The following YPEL3 variants were observed in gnomAD, a reference collection of about 807,000 sequenced individuals.
YPEL3 encodes yippee like 3, also known as protein yippee-like 3.
Under a neutral mutation model 17.5 loss-of-function variants are expected in YPEL3, and 5 were observed. That is an observed-to-expected ratio of 0.29 (90% CI 0.15 to 0.60). YPEL3 has a LOEUF of 0.60. Among genes scored for constraint, YPEL3 ranks in the 20% least tolerant of loss-of-function variants. YPEL3 has a pLI of 0.87. For synonymous variants in YPEL3, 87 were observed against 87.2 expected (o/e 1.00, Z 0.01); for missense variants, 155 against 211.4 (o/e 0.73, Z 1.65).
intron 3 of YPEL3, chr16:30,094,563 C>T (rs2072772676): frequency 1.7e-6 from 1 of 576,856 alleles, no homozygotes; most frequent in Admixed American, 2.9e-5. Flanking sequence ...CTGATTATAT[C>T]CTAACTCTCT....
Position 30,092,706 on chromosome 16 carries a change from G to C in YPEL3, c.*4C>G, listed in dbSNP as rs1205629318. The C allele has an allele frequency of 1.9e-6, 3 of 1,613,864 alleles. No homozygotes were observed. In the East Asian group the frequency reaches 6.7e-5, roughly 36 times the overall value. On this transcript the variant is annotated 3_prime_UTR_variant, in exon 4 of 4. Transcript: ENST00000398841. ...TGGAGCCACATGCGTCGGGGGAGCG[G>C]GGGTCAGTCCCAGCCGTTGTCTTTG...
chr16:30,092,915 G>A (rs1021792407), intron 3 of YPEL3, 116 bp from the exon 4 acceptor site: 2 of 820,848 alleles, frequency 2.4e-6, no homozygotes, highest in South Asian at 1.5e-5. Context: ...GTGGCCCAGA[G>A]GGGCAGGGCC....
In YPEL3 at chr16:30,092,639, G is replaced by A. The variant is rs1464514258; in HGVS notation, c.*71C>T. 1 of 1,454,668 alleles carries A rather than the reference G, an allele frequency of 6.9e-7. No homozygotes were observed. Among genetic ancestry groups the A allele is most frequent in the Non-Finnish European group, 9.6e-7 (1 of 1,038,972 alleles). The allele number at this position is 1,454,668 out of a possible 1,614,324, so 90.1% of individuals were successfully genotyped here. A position where few individuals can be genotyped will look rare whatever the true frequency, so the allele number is the denominator to read the frequency against. ...TCTGAGGGTCCAGAGCTCCCTTCGG[G>A]TGGCGGGAAGCCAGTGGCGCTCCCT... is the stretch of plus-strand genomic sequence containing the variant. On this transcript the variant is annotated 3_prime_UTR_variant, in exon 4 of 4. Transcript: ENST00000398841.
In YPEL3 at chr16:30,095,023, C is replaced by A; in HGVS notation, c.275+80G>T. On this transcript the variant is annotated intron_variant, in intron 2 of 3. Coordinates refer to ENST00000398841, the MANE Select transcript of YPEL3 (RefSeq NM_031477.5). This position sits in a 1 kb window ranked among gnomAD's most constrained non-coding sequence, Gnocchi z 5.4. ...AATTTCCTGCCTGCACCGGGGAACT[C>A]TGGGAGTCTCAGCAGGATGCCAGGG... 6.2e-7 allele frequency: 1 copy of A among 1,606,376 alleles called. No individual in the cohort carries two copies. The highest frequency in any genetic ancestry group is 8.5e-7 in the Non-Finnish European group (1 of 1,174,022).
At chr16:30,094,695 G>T in intron 3 of YPEL3, 94 bp downstream of exon 3, 1 of 1,168,350 alleles carries the variant, frequency 8.6e-7, no homozygotes, top group Non-Finnish European at 1.3e-6. Flanking sequence ...CTCGGCCTAT[G>T]CAATCTGAAA....
rs1319954595 is a variant in YPEL3, at chr16:30,096,148, G to T, written c.-666C>A. On this transcript the variant is annotated 5_prime_UTR_variant, in exon 1 of 4. Coordinates refer to ENST00000398841, the MANE Select transcript of YPEL3 (RefSeq NM_031477.5). ...CGCCGGGGTGGGCTGGCCTGGGAGT[G>T]GGGGGCGCTCCTGGCGGGCGCCGTC... The T allele has an allele frequency of 1.3e-5, 2 of 150,482 alleles. No individual in the cohort carries two copies. Among genetic ancestry groups the T allele is most frequent in the Admixed American group, 6.6e-5 (1 of 15,138 alleles). The allele number at this position is 150,482 out of a possible 1,614,324, so 9.3% of individuals were successfully genotyped here.
intron 3 of YPEL3, 99 bp downstream of exon 3, chr16:30,094,690 C>A: frequency 8.9e-7 from 1 of 1,125,180 alleles, no homozygotes; most frequent in South Asian, 1.2e-5. Flanking sequence ...GTGAGCTCGG[C>A]CTATGCAATC....
chr16:30,095,541 T>C lies in YPEL3; in HGVS notation c.-59A>G. 7.3e-7 allele frequency: 1 copy of C among 1,373,104 alleles called. No individual in the cohort carries two copies. Among genetic ancestry groups the C allele is most frequent in the South Asian group, 1.5e-5 (1 of 65,634 alleles). The allele number at this position is 1,373,104 out of a possible 1,614,324, so 85.1% of individuals were successfully genotyped here. A position where few individuals can be genotyped will look rare whatever the true frequency, so the allele number is the denominator to read the frequency against. On this transcript the variant is annotated 5_prime_UTR_variant, in exon 1 of 4. Transcript: ENST00000398841. This position sits in a 1 kb window ranked among gnomAD's most constrained non-coding sequence, Gnocchi z 5.4. ...TGTCACACTGGGCTGCTCTCTCCTT[T>C]CCCCAGAGCCAGCAGCCTCTCCGGG... is the stretch of plus-strand genomic sequence containing the variant.
Position 30,096,165 on chromosome 16 carries a change from G to A in YPEL3, c.-683C>T, listed in dbSNP as rs2072792520. 1 of 150,286 alleles carries A rather than the reference G, an allele frequency of 6.7e-6. No individual in the cohort carries two copies. 9.3% of individuals were successfully genotyped at this position (150,286 alleles called of 1,614,324 possible). ...CTGGGAGTGGGGGGCGCTCCTGGCG[G>A]GCGCCGTCCCCCCCGGGCCCGGGTT... On this transcript the variant is annotated 5_prime_UTR_variant, in exon 1 of 4. Transcript: ENST00000398841.
At position 30,092,752 on chromosome 16, in the gene YPEL3, G is replaced by A. The variant is rs943294568; in HGVS notation, c.432C>T (p.Ile144=). Residue 144 remains isoleucine (I), a synonymous_variant, in exon 4 of 4, where the codon ATC becomes ATT. Coordinates refer to ENST00000398841, the MANE Select transcript of YPEL3 (RefSeq NM_031477.5). The part of the protein sequence containing the change: ...SSQKYKEGKY[I]IELNHMIKDN... ...CTTTGATCATGTGGTTGAGTTCAAT[G>A]ATGTACTTCCCCTCTTTGTACTTCT... The A allele has an allele frequency of 6.2e-7, 1 of 1,614,192 alleles. No homozygotes were observed. The highest frequency in any genetic ancestry group is 2.2e-5 in the East Asian group (1 of 44,878).
In YPEL3 at chr16:30,095,936, CCT is replaced by C. The variant is rs1169622454; in HGVS notation, c.-456_-455del. 2 of 159,082 alleles carry C rather than the reference CCT, an allele frequency of 1.3e-5. No homozygotes were observed. Among genetic ancestry groups the C allele is most frequent in the Non-Finnish European group, 2.7e-5 (2 of 72,800 alleles). 9.9% of individuals were successfully genotyped at this position (159,082 alleles called of 1,614,324 possible). ...CTCTCACCTGCGGGCGCCAAGGCCT[CCT>C]CTACGCTCAGGGGCTCTTACCTGCA... On this transcript the variant is annotated 5_prime_UTR_variant, in exon 1 of 4. Transcript: ENST00000398841. This position sits in a 1 kb window ranked among gnomAD's most constrained non-coding sequence, Gnocchi z 5.4.
intron 3 of YPEL3, among the ~76,000 whole-genome samples, chr16:30,093,104 G>C (rs2072752786): frequency 6.6e-6 from 1 of 152,230 alleles, no homozygotes; most frequent in African/African-American, 2.4e-5. Flanking sequence ...TGTTTGGACA[G>C]CAGACAGTTT....
In YPEL3 at chr16:30,095,477, A is replaced by C. The variant is rs1386656533; in HGVS notation, c.6T>G (p.Cys2Trp). The change falls in exon 1 of 4, where the codon TGT becomes TGG. Residue 2 changes from cysteine (C) to tryptophan (W), a missense_variant. This residue lies in a region of YPEL3 where 58 missense variants were observed against 60.0 expected (regional missense o/e 0.97). Transcript: ENST00000398841. The surrounding 1 kb of genome is among the most constrained non-coding windows in gnomAD (Gnocchi z 5.4). M[C>W]VAQVLTAHLL... ...GGTGGGCTGTCAGGACCTGGGCCAC[A>C]CACATGCGAGGCACTCCCAGAGCCG... is the stretch of plus-strand genomic sequence containing the variant. 1.3e-6 allele frequency: 2 copies of C among 1,522,810 alleles called. No individual in the cohort carries two copies. Among genetic ancestry groups the C allele is most frequent in the Admixed American group, 4.3e-5 (2 of 46,468 alleles). 94.3% of individuals were successfully genotyped at this position (1,522,810 alleles called of 1,614,324 possible).
At chr16:30,092,858 G>A (rs577755324) in intron 3 of YPEL3, 59 bp from the exon 4 acceptor site, 3 of 1,511,230 alleles carry the variant, frequency 2.0e-6, no homozygotes, top group East Asian at 2.3e-5. Context: ...AAGGCACTGG[G>A]GTTGGGAAGT....
At chr16:30,092,942 C>A in intron 3 of YPEL3, 143 bp from the exon 4 acceptor site, 1 of 668,888 alleles carries the variant, frequency 1.5e-6, no homozygotes. Context: ...CTCACAAACA[C>A]AGAGTAGAAT....
chr16:30,092,851 G>A, intron 3 of YPEL3, 52 bp from the exon 4 acceptor site: 2 of 1,545,614 alleles, frequency 1.3e-6, no homozygotes, highest in Non-Finnish European at 1.8e-6. Context: ...TCACCACAAG[G>A]CACTGGGGTT....
Position 30,095,543 on chromosome 16 carries a change from C to T in YPEL3, c.-61G>A. On this transcript the variant is annotated 5_prime_UTR_variant, in exon 1 of 4. Transcript: ENST00000398841. This position sits in a 1 kb window ranked among gnomAD's most constrained non-coding sequence, Gnocchi z 5.4. ...TCACACTGGGCTGCTCTCTCCTTTC[C>T]CCAGAGCCAGCAGCCTCTCCGGGGA... 1 of 1,371,102 alleles carries T rather than the reference C, an allele frequency of 7.3e-7. No homozygotes were observed. Among genetic ancestry groups the T allele is most frequent in the Non-Finnish European group, 9.6e-7 (1 of 1,036,756 alleles). 84.9% of individuals were successfully genotyped at this position (1,371,102 alleles called of 1,614,324 possible).
At chr16:30,092,837 A>G in intron 3 of YPEL3, 38 bp from the exon 4 acceptor site, 1 of 1,585,558 alleles carries the variant, frequency 6.3e-7, no homozygotes, top group South Asian at 1.1e-5. Context: ...CCGGAGCAAC[A>G]GTCTCACCAC....
rs2072780188 is a variant in YPEL3, at chr16:30,095,290, G to A, written c.193C>T (p.Arg65Cys). ...TCGTCGTGGTTGGCCAGGTGAGCGC[G>A]GCAGTGGGCACAGCTATACCTCCGG... ...CHRRYSCAHC[R>C]AHLANHDDLI... is the part of the protein sequence containing the mutation. Residue 65 changes from arginine (R) to cysteine (C), a missense_variant, in exon 1 of 4, where the codon CGC becomes TGC. Arg to Cys is a radical substitution (Grantham distance 180). Around this residue, in one of 3 missense-constraint regions of YPEL3, gnomAD observed 74 missense variants for 134.9 expected, o/e 0.55. Coordinates refer to ENST00000398841, the MANE Select transcript of YPEL3 (RefSeq NM_031477.5). The surrounding 1 kb of genome is among the most constrained non-coding windows in gnomAD (Gnocchi z 5.4). 1 of 1,614,194 alleles carries A rather than the reference G, an allele frequency of 6.2e-7. No homozygotes were observed. Among genetic ancestry groups the A allele is most frequent in the Non-Finnish European group, 8.5e-7 (1 of 1,180,022 alleles).
Sources: allele counts gnomAD v4.1 joint callset (sites outside exome capture counted in the v4.1 genomes callset), GRCh38; gene constraint gnomAD v4.1.1; regional missense constraint gnomAD v4.1.1; non-coding constraint Gnocchi (gnomAD v3.1); transcripts MANE v1.5; gene names NCBI Gene and HGNC (gene_info 2026-07-23, HGNC 2026-07-21).